SMIM35: variants seen among roughly 807,000 people sequenced by gnomAD.
SMIM35 encodes TMPRSS4 antisense RNA 1 (non-protein coding).
chr11:118,010,034 A>C (rs1228941054), intron 4 of SMIM35, among the ~76,000 whole-genome samples: 1 of 152,220 alleles, frequency 6.6e-6, no homozygotes, highest in African/African-American at 2.4e-5. Flanking sequence ...TTTCTGACCC[A>C]AGTGCCCCCA....
chr11:118,040,128 A>G (rs889073943), intron 1 of SMIM35, among the ~76,000 whole-genome samples: 1 of 151,956 alleles, frequency 6.6e-6, no homozygotes, highest in African/African-American at 2.4e-5. Context: ...AGGCACGAGA[A>G]TCGCTTAAAC....
chr11:118,035,817 T>C (rs918476391), intron 1 of SMIM35, among the ~76,000 whole-genome samples: 1 of 152,320 alleles, frequency 6.6e-6, no homozygotes, highest in Admixed American at 6.5e-5. Flanking sequence ...GGTCAGTGCT[T>C]TATGCCAGCA....
intron 1 of SMIM35, among the ~76,000 whole-genome samples, chr11:118,037,487 G>A (rs912045557): frequency 1.3e-5 from 2 of 152,186 alleles, no homozygotes; most frequent in African/African-American, 4.8e-5. Flanking sequence ...AAGCTCCCCT[G>A]CTCTACGTTG....
At chr11:118,019,132 G>C (rs991009124) in intron 1 of SMIM35, among the ~76,000 whole-genome samples, 10 of 152,084 alleles carry the variant, frequency 6.6e-5, no homozygotes, top group African/African-American at 2.2e-4. Context: ...TGTAGATATA[G>C]AGATATATAG....
chr11:118,048,527 GAAGA>G (rs1216226866), intron 1 of SMIM35, among the ~76,000 whole-genome samples: 2 of 128,092 alleles, frequency 1.6e-5, no homozygotes, highest in East Asian at 4.7e-4. Flanking sequence ...AGAAAGAAAG[GAAGA>G]AAGAAAGAAG....
chr11:118,037,421 A>C (rs2508452), intron 1 of SMIM35, among the ~76,000 whole-genome samples: 1 of 152,288 alleles, frequency 6.6e-6, no homozygotes, highest in East Asian at 1.9e-4. Flanking sequence ...AGGTCCTAAG[A>C]AGGGGAGAAT....
chr11:118,053,589 C>T (rs1944258015), intron 1 of SMIM35, among the ~76,000 whole-genome samples: 1 of 152,192 alleles, frequency 6.6e-6, no homozygotes, highest in Non-Finnish European at 1.5e-5. Context: ...CCTCTGGTGG[C>T]TGAAATGTTG....
intron 1 of SMIM35, among the ~76,000 whole-genome samples, chr11:118,030,332 A>G (rs1454965834): frequency 6.6e-6 from 1 of 152,120 alleles, no homozygotes; most frequent in Non-Finnish European, 1.5e-5. Context: ...ATCGCACCCA[A>G]CTTGCAACAT....
chr11:118,064,903 T>G (rs2135128509), intron 1 of SMIM35, among the ~76,000 whole-genome samples: 1 of 152,342 alleles, frequency 6.6e-6, no homozygotes, highest in East Asian at 1.9e-4. Flanking sequence ...CCTGGCGGAA[T>G]TGTGCTGGGA....
At chr11:118,012,270 A>G (rs1033727530) in intron 4 of SMIM35, among the ~76,000 whole-genome samples, 1 of 152,200 alleles carries the variant, frequency 6.6e-6, no homozygotes, top group Admixed American at 6.5e-5. Context: ...GGTTTGAACA[A>G]GTCTGCACTA....
intron 1 of SMIM35, among the ~76,000 whole-genome samples, chr11:118,054,855 G>A (rs1470296004): frequency 6.7e-6 from 1 of 148,998 alleles, no homozygotes; most frequent in Non-Finnish European, 1.5e-5. Flanking sequence ...CCAGGCTGGA[G>A]TGCAGTGGCC....
chr11:118,079,230 C>A (rs1007497066), intron 1 of SMIM35, among the ~76,000 whole-genome samples: 2 of 152,132 alleles, frequency 1.3e-5, no homozygotes, highest in Non-Finnish European at 2.9e-5. Context: ...TGCTTAATAA[C>A]CCTTGACAGC....
intron 1 of SMIM35, among the ~76,000 whole-genome samples, chr11:118,044,635 G>C (rs924299120): frequency 5.9e-5 from 9 of 151,794 alleles, no homozygotes; most frequent in Non-Finnish European, 1.3e-4. Context: ...TTAGCCAGGC[G>C]TGGTGGCGGG....
chr11:118,055,625 G>A (rs989773468), intron 1 of SMIM35, among the ~76,000 whole-genome samples: 1 of 152,114 alleles, frequency 6.6e-6, no homozygotes, highest in Non-Finnish European at 1.5e-5. Context: ...ACTCTGAGTC[G>A]GAGACTCTAC....
At chr11:118,039,128 C>T (rs1443290590) in intron 1 of SMIM35, among the ~76,000 whole-genome samples, 2 of 152,288 alleles carry the variant, frequency 1.3e-5, no homozygotes, top group East Asian at 3.9e-4. Flanking sequence ...TAAAACAACT[C>T]TGGCTGCCAT....
chr11:118,083,422 C>T lies in SMIM35; in HGVS notation c.7+3329G>A, dbSNP rs115258608. Among the ~76,000 whole-genome samples, 1,053 of 152,204 alleles carry T rather than the reference C, an allele frequency of 6.9e-3. 6 individuals are homozygous for T. The highest frequency in any genetic ancestry group is 0.023 in the African/African-American group (942 of 41,534). On this transcript the variant is annotated intron_variant, in intron 1 of 4. Coordinates refer to ENST00000689828, the MANE Select transcript of SMIM35 (RefSeq NM_001394165.1). ...CTGCCCTGGTCACTGTCCCCAGATG[C>T]GCTTAGTCCACAGAGTCCCCTGCTG...
chr11:118,062,429 C>T (rs1216415211), intron 1 of SMIM35, among the ~76,000 whole-genome samples: 1 of 152,248 alleles, frequency 6.6e-6, no homozygotes, highest in Non-Finnish European at 1.5e-5. Context: ...CACAGGCCAG[C>T]CCAGCTCCTC....
chr11:118,072,031 G>A (rs1193410230), intron 1 of SMIM35, among the ~76,000 whole-genome samples: 1 of 152,176 alleles, frequency 6.6e-6, no homozygotes, highest in African/African-American at 2.4e-5. Context: ...AGCTCTTCAA[G>A]GCAGGAGATA....
chr11:118,013,330 C>G (rs2135017950), intron 4 of SMIM35, among the ~76,000 whole-genome samples: 1 of 152,278 alleles, frequency 6.6e-6, no homozygotes, highest in East Asian at 1.9e-4. Context: ...GAACGTGTGG[C>G]CAGAGTTGGC....
Sources: allele counts gnomAD v4.1 joint callset (sites outside exome capture counted in the v4.1 genomes callset), GRCh38; gene constraint gnomAD v4.1.1; transcripts MANE v1.5; gene names NCBI Gene and HGNC (gene_info 2026-07-23, HGNC 2026-07-21).